The following INPP5A variants were observed in gnomAD, a reference collection of about 807,000 sequenced individuals.
INPP5A encodes inositol polyphosphate-5-phosphatase A.
A neutral mutation model predicts 65.2 loss-of-function variants in INPP5A; 14 were observed. The ratio of observed to expected loss-of-function variants is 0.21; its 90% CI spans 0.14 to 0.34. The LOEUF is 0.34. Ranked by LOEUF, INPP5A falls within the 10% of genes least tolerant of loss-of-function variation. The pLI is 1.00. For synonymous variants in INPP5A, 207 were observed against 208.3 expected (o/e 0.99, Z 0.05); for missense variants, 431 against 545.6 (o/e 0.79, Z 2.09).
At chr10:132,656,194 A>C (rs1169272144) in intron 4 of INPP5A, among the ~76,000 whole-genome samples, 1 of 151,994 alleles carries the variant, frequency 6.6e-6, no homozygotes, top group African/African-American at 2.4e-5. Context: ...CCCTCTCTCC[A>C]TGCAGCTCCT....
chr10:132,668,720 G>A (rs1014843951), intron 4 of INPP5A, among the ~76,000 whole-genome samples: 1 of 152,168 alleles, frequency 6.6e-6, no homozygotes, highest in Non-Finnish European at 1.5e-5. Context: ...ATTCTCTTCC[G>A]TAGGATTTAA....
intron 4 of INPP5A, among the ~76,000 whole-genome samples, chr10:132,681,504 C>T (rs1045323292): frequency 1.3e-5 from 2 of 151,814 alleles, no homozygotes; most frequent in Non-Finnish European, 3.0e-5. Context: ...GACACGCCGC[C>T]TTTAAGAACT....
At chr10:132,759,771 G>A (rs907026963) in intron 11 of INPP5A, among the ~76,000 whole-genome samples, 14 of 152,040 alleles carry the variant, frequency 9.2e-5, no homozygotes, top group South Asian at 2.1e-4. Flanking sequence ...CAGGAGCCCC[G>A]GCCCCATGCC....
intron 9 of INPP5A, among the ~76,000 whole-genome samples, chr10:132,735,834 C>T (rs924808598): frequency 6.6e-6 from 1 of 152,292 alleles, no homozygotes; most frequent in Admixed American, 6.5e-5. Context: ...GGAGGACGAC[C>T]AGCTTGGTGG....
chr10:132,718,296 G>T (rs1232214103), intron 8 of INPP5A, among the ~76,000 whole-genome samples: 2 of 148,078 alleles, frequency 1.4e-5, no homozygotes, highest in African/African-American at 5.0e-5. Context: ...GGGCGCCTTA[G>T]ACAGCTGTCT....
At position 132,555,344 on chromosome 10, in the gene INPP5A, C is replaced by T. The variant is rs2071112626; in HGVS notation, c.75+17173C>T. ...GGCTGTTGTCCCCTGAGTACGTTCA[C>T]CCCATTTTACAGGCGCTGGCCCAGT... On this transcript the variant is annotated intron_variant, in intron 1 of 15. Coordinates refer to ENST00000368594, the MANE Select transcript of INPP5A (RefSeq NM_005539.5). The surrounding 1 kb of genome is among the most constrained non-coding windows in gnomAD (Gnocchi z 4.4). 6.6e-6 allele frequency among the ~76,000 whole-genome samples: 1 copy of T among 152,084 alleles called. No homozygotes were observed. Among genetic ancestry groups the T allele is most frequent in the African/African-American group, 2.4e-5 (1 of 41,400 alleles).
rs988533307 is a variant in INPP5A at position 132,557,302 on chromosome 10, G to C, written c.75+19131G>C. Among the ~76,000 whole-genome samples the C allele has an allele frequency of 2.0e-5, 3 of 152,226 alleles. No homozygotes were observed. In the South Asian group the frequency reaches 6.2e-4, roughly 31 times the overall value. On this transcript the variant is annotated intron_variant, in intron 1 of 15. Transcript: ENST00000368594. ...CTGGGATTTGTTCCGGTTAGGCCAC[G>C]GGTCACAGTGCTCAGTGCCGGGCAG...
At chr10:132,542,826 C>G (rs2070923586) in intron 1 of INPP5A, among the ~76,000 whole-genome samples, 1 of 152,194 alleles carries the variant, frequency 6.6e-6, no homozygotes, top group African/African-American at 2.4e-5. Context: ...TGTTTTCACA[C>G]AGGGTCTCAT....
rs1053369887 is a variant in INPP5A, at chr10:132,644,572, C to T, written c.118-1296C>T. Among the ~76,000 whole-genome samples the T allele has an allele frequency of 2.0e-5, 3 of 152,242 alleles. No homozygotes were observed. The highest frequency in any genetic ancestry group is 4.8e-5 in the African/African-American group (2 of 41,456). The stretch of plus-strand genomic sequence containing the variant: ...GCTCCACCTGGCTCACAGTGAGTGC[C>T]GTGTCGTCGTGAGCACCTCCAGGCT... On this transcript the variant is annotated intron_variant, in intron 2 of 15. Coordinates refer to ENST00000368594, the MANE Select transcript of INPP5A (RefSeq NM_005539.5). The surrounding 1 kb of genome is among the most constrained non-coding windows in gnomAD (Gnocchi z 6.5).
In INPP5A at chr10:132,538,228, G is replaced by C. The variant is rs1208791183; in HGVS notation, c.75+57G>C. The C allele has an allele frequency of 1.8e-6, 2 of 1,081,910 alleles. No individual in the cohort carries two copies. Among genetic ancestry groups the C allele is most frequent in the African/African-American group, 1.6e-5 (1 of 60,976 alleles). The allele number at this position is 1,081,910 out of a possible 1,614,324, so 67.0% of individuals were successfully genotyped here. On this transcript the variant is annotated intron_variant, in intron 1 of 15. Transcript: ENST00000368594. This position sits in a 1 kb window ranked among gnomAD's most constrained non-coding sequence, Gnocchi z 4.1. ...GCCCGGAACCCCCGACCCTGACCCC[G>C]GGGTCCCGAACTGCAAGCCTTGGAC...
chr10:132,666,200 A>G (rs1040361514), intron 4 of INPP5A, among the ~76,000 whole-genome samples: 3 of 152,240 alleles, frequency 2.0e-5, no homozygotes, highest in East Asian at 3.9e-4. Context: ...CTTCCTCACT[A>G]TGATTCATCT....
At chr10:132,630,242 G>T (rs1157522081) in intron 2 of INPP5A, among the ~76,000 whole-genome samples, 5 of 149,056 alleles carry the variant, frequency 3.4e-5, no homozygotes, top group African/African-American at 9.9e-5. Context: ...AGGGGAAGAC[G>T]TCCATGAGGG....
At chr10:132,748,844 G>C in intron 9 of INPP5A, among the ~76,000 whole-genome samples, 1 of 152,226 alleles carries the variant, frequency 6.6e-6, no homozygotes, top group East Asian at 1.9e-4. Flanking sequence ...CTGCAGCACT[G>C]CTGCCCCAGC....
At chr10:132,599,134 C>G (rs2071746078) in intron 1 of INPP5A, among the ~76,000 whole-genome samples, 1 of 152,204 alleles carries the variant, frequency 6.6e-6, no homozygotes, top group Non-Finnish European at 1.5e-5. Flanking sequence ...CCAACAGTCT[C>G]CCAAAGTCTT....
intron 2 of INPP5A, among the ~76,000 whole-genome samples, chr10:132,635,691 G>A (rs752983495): frequency 1.1e-4 from 16 of 151,774 alleles, no homozygotes; most frequent in East Asian, 1.9e-4. Flanking sequence ...CATTGCGCCC[G>A]GCCCTTTTTA....
intron 4 of INPP5A, among the ~76,000 whole-genome samples, chr10:132,687,593 C>T (rs954154216): frequency 1.1e-4 from 16 of 152,248 alleles, no homozygotes; most frequent in African/African-American, 3.4e-4. Flanking sequence ...CCTTCATCTC[C>T]GTCCCCTAGA....
At chr10:132,779,915 G>A (rs536618580) in intron 13 of INPP5A, among the ~76,000 whole-genome samples, 6 of 152,360 alleles carry the variant, frequency 3.9e-5, no homozygotes, top group East Asian at 1.9e-4. Flanking sequence ...TGTGCCCGCC[G>A]TAATTTGTTT....
chr10:132,657,908 G>C (rs1008668952), intron 4 of INPP5A, among the ~76,000 whole-genome samples: 3 of 152,242 alleles, frequency 2.0e-5, no homozygotes, highest in African/African-American at 4.8e-5. Context: ...GGCCCTTCAT[G>C]CTCCCCTAAA....
intron 1 of INPP5A, among the ~76,000 whole-genome samples, chr10:132,578,770 G>T (rs1372450913): frequency 6.6e-6 from 1 of 151,618 alleles, no homozygotes; most frequent in Non-Finnish European, 1.5e-5. Context: ...CAGGGGCTGG[G>T]TCTGGGCTCC....
Sources: allele counts gnomAD v4.1 joint callset (sites outside exome capture counted in the v4.1 genomes callset), GRCh38; gene constraint gnomAD v4.1.1; non-coding constraint Gnocchi (gnomAD v3.1); transcripts MANE v1.5; gene names NCBI Gene and HGNC (gene_info 2026-07-23, HGNC 2026-07-21).